GRXCR1: variants seen among roughly 807,000 people sequenced by gnomAD.
The protein encoded by GRXCR1 is glutaredoxin domain-containing cysteine-rich protein 1.
A neutral mutation model predicts 27.3 loss-of-function variants in GRXCR1; 27 were observed. That is an observed-to-expected ratio of 0.99 (90% CI 0.73 to 1.37). GRXCR1 has a LOEUF of 1.37. GRXCR1 is among the 40% of genes most tolerant of loss of function. The probability of loss-of-function intolerance (pLI) is 0.00; values close to 1 mark genes in which losing one functional copy is unlikely to be tolerated. For synonymous variants in GRXCR1, 122 were observed against 131.1 expected, an observed-to-expected ratio of 0.93 and a Z score of 0.47; for missense variants, 379 against 354.4, an observed-to-expected ratio of 1.07 and a Z score of -0.56.
At chr4:42,984,453 G>A (rs2109787132) in intron 2 of GRXCR1, among the ~76,000 whole-genome samples, 1 of 152,280 alleles carries the variant, frequency 6.6e-6, no homozygotes, top group Non-Finnish European at 1.5e-5. Flanking sequence ...TTTTCTGACT[G>A]TTCTTGATCC....
rs114800070 is a variant in GRXCR1, at chr4:43,029,480, T to C, written c.694-881T>C. 4.5e-3 allele frequency among the ~76,000 whole-genome samples: 680 copies of C among 152,302 alleles called. 9 individuals carry two copies. Among genetic ancestry groups the C allele is most frequent in the African/African-American group, 0.014 (571 of 41,568 alleles). On this transcript the variant is annotated intron_variant, in intron 3 of 3. Coordinates refer to ENST00000399770, the MANE Select transcript of GRXCR1 (RefSeq NM_001080476.3). ...TTATTTTCTCTTTGTATTCATTCTG[T>C]AATGGCACCTAATCTCCCCTAAACT...
At chr4:42,956,341 C>T (rs980461943) in intron 1 of GRXCR1, among the ~76,000 whole-genome samples, 5 of 152,076 alleles carry the variant, frequency 3.3e-5, no homozygotes, top group Admixed American at 2.0e-4. Flanking sequence ...CATGGTAACC[C>T]TCAGGAAGGG....
intron 1 of GRXCR1, among the ~76,000 whole-genome samples, chr4:42,933,342 G>A (rs535876748): frequency 6.6e-6 from 1 of 152,008 alleles, no homozygotes; most frequent in South Asian, 2.1e-4. Context: ...ACAGCTGGAA[G>A]AAGTGGTCAC....
At chr4:43,006,602 T>A (rs1249361791) in intron 2 of GRXCR1, among the ~76,000 whole-genome samples, 1 of 152,182 alleles carries the variant, frequency 6.6e-6, no homozygotes, top group East Asian at 1.9e-4. Context: ...CCAGTTGATC[T>A]CAAAACACTG....
chr4:43,009,534 A>C (rs935982315), intron 2 of GRXCR1, among the ~76,000 whole-genome samples: 1 of 152,134 alleles, frequency 6.6e-6, no homozygotes, highest in Non-Finnish European at 1.5e-5. Context: ...TTGGCTTACA[A>C]ACAACAGAAA....
At chr4:43,017,797 T>C (rs79280770) in intron 2 of GRXCR1, among the ~76,000 whole-genome samples, 3,913 of 152,324 alleles carry the variant, frequency 0.026, 174 homozygotes, top group African/African-American at 0.09. Flanking sequence ...TTCCTAAGAA[T>C]GTCAATGTGT....
At chr4:42,917,390 G>T (rs796165193) in intron 1 of GRXCR1, among the ~76,000 whole-genome samples, 2 of 152,134 alleles carry the variant, frequency 1.3e-5, no homozygotes, top group Non-Finnish European at 2.9e-5. Context: ...TTGTTTTGTT[G>T]TGCTAGGCAG....
At chr4:43,019,941 A>G (rs375130355) in intron 2 of GRXCR1, among the ~76,000 whole-genome samples, 1 of 152,214 alleles carries the variant, frequency 6.6e-6, no homozygotes, top group Non-Finnish European at 1.5e-5. Context: ...ATGGCTGTTA[A>G]GGAGGGCCAT....
At chr4:42,897,534 C>T (rs761230563) in intron 1 of GRXCR1, among the ~76,000 whole-genome samples, 12 of 151,970 alleles carry the variant, frequency 7.9e-5, no homozygotes, top group Admixed American at 2.0e-4. Context: ...TGGATATTTC[C>T]GGTTAGTGTG....
intron 1 of GRXCR1, among the ~76,000 whole-genome samples, chr4:42,902,568 T>G (rs1746485425): frequency 6.6e-6 from 1 of 152,144 alleles, no homozygotes; most frequent in African/African-American, 2.4e-5. Flanking sequence ...TTTGCTATTG[T>G]GAATAGTGCT....
chr4:42,940,825 A>G (rs1262849052), intron 1 of GRXCR1, among the ~76,000 whole-genome samples: 1 of 152,022 alleles, frequency 6.6e-6, no homozygotes, highest in Non-Finnish European at 1.5e-5. Context: ...GTGTTATTTC[A>G]GTGATAGAGA....
intron 2 of GRXCR1, among the ~76,000 whole-genome samples, chr4:42,969,735 G>A (rs1050866871): frequency 1.3e-5 from 2 of 151,874 alleles, no homozygotes; most frequent in Admixed American, 1.3e-4. Flanking sequence ...ATTTGGGTGG[G>A]GATACAGGGC....
intron 1 of GRXCR1, among the ~76,000 whole-genome samples, chr4:42,918,659 A>G (rs1055531475): frequency 1.3e-5 from 2 of 152,096 alleles, no homozygotes; most frequent in Non-Finnish European, 2.9e-5. Context: ...TGTTTTGACC[A>G]TCTCTCTTTT....
intron 2 of GRXCR1, among the ~76,000 whole-genome samples, chr4:43,015,606 A>T (rs1480184888): frequency 6.6e-6 from 1 of 152,084 alleles, no homozygotes; most frequent in East Asian, 1.9e-4. Flanking sequence ...TCAGAATCAA[A>T]TTTAAGGCTC....
At chr4:42,950,919 TTC>T (rs371100995) in intron 1 of GRXCR1, among the ~76,000 whole-genome samples, 73 of 150,606 alleles carry the variant, frequency 4.8e-4, no homozygotes, top group African/African-American at 1.2e-3. Flanking sequence ...ATGTCTATAT[TTC>T]TCTCTCTCTC....
At chr4:43,025,800 C>T (rs1196749022) in intron 3 of GRXCR1, among the ~76,000 whole-genome samples, 3 of 152,088 alleles carry the variant, frequency 2.0e-5, no homozygotes, top group South Asian at 2.1e-4. Flanking sequence ...CACGGTGAAA[C>T]CCCGTCTCTA....
chr4:43,004,071 C>T (rs1712471085), intron 2 of GRXCR1, among the ~76,000 whole-genome samples: 1 of 152,208 alleles, frequency 6.6e-6, no homozygotes, highest in South Asian at 2.1e-4. Flanking sequence ...CCCAGGACCC[C>T]ACTGCTCTGT....
At chr4:42,931,975 A>G (rs933833944) in intron 1 of GRXCR1, among the ~76,000 whole-genome samples, 6 of 151,836 alleles carry the variant, frequency 4.0e-5, no homozygotes, top group Non-Finnish European at 8.8e-5. Flanking sequence ...CAGAGAAACT[A>G]CCCTTTATAA....
chr4:42,904,240 C>T (rs934407094), intron 1 of GRXCR1, among the ~76,000 whole-genome samples: 1 of 152,180 alleles, frequency 6.6e-6, no homozygotes, highest in African/African-American at 2.4e-5. Flanking sequence ...GTGCCCAAAG[C>T]CCTTCACATA....
Sources: allele counts gnomAD v4.1 joint callset (sites outside exome capture counted in the v4.1 genomes callset), GRCh38; gene constraint gnomAD v4.1.1; transcripts MANE v1.5; gene names NCBI Gene and HGNC (gene_info 2026-07-23, HGNC 2026-07-21).